ASH1L: variants seen among roughly 807,000 people sequenced by gnomAD.
The protein encoded by ASH1L is ASH1 like histone lysine methyltransferase, also known as histone-lysine N-methyltransferase ASH1L.
ASH1L carries 23 observed loss-of-function variants against 269.0 expected under a neutral mutation model. The ratio of observed to expected loss-of-function variants is 0.09; its 90% CI spans 0.06 to 0.12. The LOEUF is 0.12. Among genes scored for constraint, ASH1L ranks in the 10% least tolerant of loss-of-function variants. The pLI is 1.00. For synonymous variants in ASH1L, 1,187 were observed against 1,253.5 expected (o/e 0.95, Z 1.12); for missense variants, 2,912 against 3,567.8 (o/e 0.82, Z 4.68).
intron 12 of ASH1L, among the ~76,000 whole-genome samples, chr1:155,364,766 C>A (rs1008609119): frequency 1.3e-5 from 2 of 151,688 alleles, no homozygotes; most frequent in African/African-American, 4.8e-5. Flanking sequence ...ATGGCACAAC[C>A]CTGTCTCTAC....
At chr1:155,526,622 A>G (rs1456290663) in intron 1 of ASH1L, among the ~76,000 whole-genome samples, 1 of 151,978 alleles carries the variant, frequency 6.6e-6, no homozygotes, top group Non-Finnish European at 1.5e-5. Flanking sequence ...CCCTTTCTTC[A>G]TTGTCCCTAA....
intron 6 of ASH1L, among the ~76,000 whole-genome samples, chr1:155,402,975 C>G (rs1021520818): frequency 4.0e-5 from 6 of 148,626 alleles, no homozygotes; most frequent in Non-Finnish European, 8.9e-5. Flanking sequence ...GTCAGGAGTT[C>G]AAGACCAGCC....
At chr1:155,497,638 A>G (rs1287252135) in intron 2 of ASH1L, among the ~76,000 whole-genome samples, 1 of 152,180 alleles carries the variant, frequency 6.6e-6, no homozygotes, top group African/African-American at 2.4e-5. Flanking sequence ...GGGAGTCAAA[A>G]GTTATACTTG....
At chr1:155,417,958 C>CAA (rs766819389) in intron 5 of ASH1L, among the ~76,000 whole-genome samples, 2 of 87,696 alleles carry the variant, frequency 2.3e-5, no homozygotes, top group African/African-American at 4.3e-5. Flanking sequence ...AACTCCGTCT[C>CAA]AAAAAAAAAA....
chr1:155,420,600 C>T (rs1330739693), intron 5 of ASH1L, among the ~76,000 whole-genome samples: 1 of 151,142 alleles, frequency 6.6e-6, no homozygotes, highest in East Asian at 1.9e-4. Context: ...CCTGTAATCC[C>T]AGCACTTTGG....
At chr1:155,364,664 G>T (rs1453591671) in intron 12 of ASH1L, among the ~76,000 whole-genome samples, 1 of 151,922 alleles carries the variant, frequency 6.6e-6, no homozygotes, top group Non-Finnish European at 1.5e-5. Flanking sequence ...GTCAGGCCCG[G>T]CATGGTGGCT....
intron 2 of ASH1L, among the ~76,000 whole-genome samples, chr1:155,517,962 G>A (rs369783483): frequency 4.0e-5 from 6 of 151,232 alleles, no homozygotes; most frequent in South Asian, 2.1e-4. Flanking sequence ...CACTACGCCC[G>A]GCTAATTTTT....
At chr1:155,539,050 C>G (rs924073637) in intron 1 of ASH1L, among the ~76,000 whole-genome samples, 1 of 152,186 alleles carries the variant, frequency 6.6e-6, no homozygotes, top group Non-Finnish European at 1.5e-5. Flanking sequence ...ATCTGCAGAT[C>G]TGATTTGGCC....
intron 3 of ASH1L, 36 bp from the exon 4 acceptor site, chr1:155,459,934 A>C (rs10908466): frequency 0.28 from 419,504 of 1,493,002 alleles, 65,206 homozygotes; most frequent in East Asian, 0.75. Context: ...TCATAGGAAA[A>C]TTCAACTTTA....
chr1:155,427,166 G>A (rs1471402069), intron 5 of ASH1L, among the ~76,000 whole-genome samples: 4 of 134,082 alleles, frequency 3.0e-5, no homozygotes, highest in Non-Finnish European at 4.6e-5. Flanking sequence ...ACAGAGTCTC[G>A]CTCTGTCACC....
intron 1 of ASH1L, among the ~76,000 whole-genome samples, chr1:155,529,781 A>T (rs1340485365): frequency 6.6e-6 from 1 of 152,024 alleles, no homozygotes; most frequent in African/African-American, 2.4e-5. Context: ...AAAATTTTTT[A>T]AATGGTCTAA....
intron 6 of ASH1L, among the ~76,000 whole-genome samples, chr1:155,407,475 A>G (rs1436453807): frequency 6.6e-6 from 1 of 152,208 alleles, no homozygotes; most frequent in Admixed American, 6.5e-5. Context: ...CAATGTGTGG[A>G]TAAATTTATT....
At chr1:155,488,694 A>G (rs2148754529) in intron 2 of ASH1L, among the ~76,000 whole-genome samples, 1 of 149,126 alleles carries the variant, frequency 6.7e-6, no homozygotes. Flanking sequence ...AAAAAAAAAA[A>G]AAAGATTTTG....
At chr1:155,474,974 G>T (rs944965856) in intron 3 of ASH1L, among the ~76,000 whole-genome samples, 10 of 152,098 alleles carry the variant, frequency 6.6e-5, no homozygotes, top group Non-Finnish European at 1.2e-4. Context: ...TTTGTCTTTT[G>T]TTCTTAATAT....
intron 5 of ASH1L, chr1:155,434,127 C>T (rs1263344942): frequency 1.3e-6 from 2 of 1,595,186 alleles, no homozygotes; most frequent in Non-Finnish European, 8.5e-7. Context: ...CCTCTGGCCC[C>T]AGGGCCCCAT....
chr1:155,368,937 G>A (rs1220441534), intron 12 of ASH1L, among the ~76,000 whole-genome samples: 2 of 152,068 alleles, frequency 1.3e-5, no homozygotes, highest in Non-Finnish European at 2.9e-5. Flanking sequence ...CAAAAAAGAC[G>A]CCAGACACAA....
chr1:155,551,982 G>T (rs76408986), intron 1 of ASH1L, among the ~76,000 whole-genome samples: 5,340 of 151,574 alleles, frequency 0.035, 135 homozygotes, highest in Non-Finnish European at 0.048. Context: ...TGTCAAAAAA[G>T]AAAAAGAATC....
chr1:155,431,734 G>T (rs1428489876), intron 5 of ASH1L, among the ~76,000 whole-genome samples: 2 of 152,204 alleles, frequency 1.3e-5, no homozygotes, highest in East Asian at 3.9e-4. Flanking sequence ...CTGTAGTCCA[G>T]CCTGGGGGAC....
chr1:155,398,892 T>C (rs538106780), intron 6 of ASH1L, among the ~76,000 whole-genome samples: 5 of 151,950 alleles, frequency 3.3e-5, no homozygotes, highest in African/African-American at 1.2e-4. Context: ...GGATGGGACA[T>C]TTTATTTATT....
Sources: gnomAD v4.1 joint callset for allele counts (sites outside exome capture counted in the v4.1 genomes callset) on GRCh38, gnomAD v4.1.1 for gene constraint, MANE v1.5 for transcripts, NCBI Gene and HGNC (gene_info 2026-07-23, HGNC 2026-07-21) for gene names.